The following GRAMD1B variants were observed in gnomAD, a reference collection of about 807,000 sequenced individuals.
GRAMD1B encodes protein Aster-B.
Under a neutral mutation model 99.7 loss-of-function variants are expected in GRAMD1B, and 37 were observed. The observed-to-expected ratio is 0.37, with a 90% confidence interval of 0.29 to 0.49. GRAMD1B has a LOEUF of 0.49. Among genes scored for constraint, GRAMD1B ranks in the 20% least tolerant of loss-of-function variants. GRAMD1B has a pLI of 0.98. For missense variants in GRAMD1B, 888 were observed against 1,009.2 expected, an observed-to-expected ratio of 0.88 and a Z score of 1.63; for synonymous variants, 427 against 387.6, an observed-to-expected ratio of 1.10 and a Z score of -1.19.
At chr11:123,575,991 CT>C (rs1024620453) in intron 2 of GRAMD1B, among the ~76,000 whole-genome samples, 2 of 151,420 alleles carry the variant, frequency 1.3e-5, no homozygotes, top group South Asian at 2.1e-4. Flanking sequence ...CTCTGGTCTC[CT>C]TTTTTTTTCT....
At chr11:123,450,769 T>C (rs573133305) in intron 1 of GRAMD1B, among the ~76,000 whole-genome samples, 2 of 152,198 alleles carry the variant, frequency 1.3e-5, no homozygotes, top group African/African-American at 4.8e-5. Flanking sequence ...TTTGGTGCTC[T>C]GACATCATCT....
chr11:123,523,212 A>G (rs1177823259), intron 2 of GRAMD1B, among the ~76,000 whole-genome samples: 1 of 152,150 alleles, frequency 6.6e-6, no homozygotes. Flanking sequence ...CGTGCCTGTA[A>G]TCCCAGCTAC....
intron 1 of GRAMD1B, among the ~76,000 whole-genome samples, chr11:123,453,859 G>A (rs186049318): frequency 2.6e-4 from 40 of 152,326 alleles, no homozygotes; most frequent in Non-Finnish European, 5.0e-4. Context: ...TGGAGCATCT[G>A]AAGTCCCAGG....
intron 2 of GRAMD1B, among the ~76,000 whole-genome samples, chr11:123,490,299 A>G (rs1474245048): frequency 6.6e-6 from 1 of 152,186 alleles, no homozygotes; most frequent in Non-Finnish European, 1.5e-5. Context: ...TGTGAGACAG[A>G]TGAGATGATA....
In GRAMD1B at chr11:123,620,515, C is replaced by T. The variant is rs1699377502; in HGVS notation, c.2544+1291C>T. On this transcript the variant is annotated intron_variant, in intron 19 of 19. Transcript: ENST00000635736. ...AAAAAAAGGGAAAAGAATCTTAATG[C>T]AGCTATCAAGACCCAGTTGGATGTG... 2.1e-5 allele frequency among the ~76,000 whole-genome samples: 3 copies of T among 145,372 alleles called. No homozygotes were observed. In the South Asian group the frequency reaches 6.6e-4, roughly 32 times the overall value.
intron 1 of GRAMD1B, chr11:123,458,729 A>T (rs74834522): frequency 6.7e-6 from 1 of 150,344 alleles, no homozygotes; most frequent in African/African-American, 2.5e-5. Context: ...ATACTCCCCA[A>T]TGTGAGTAAT....
intron 2 of GRAMD1B, among the ~76,000 whole-genome samples, chr11:123,569,046 A>G (rs1380600798): frequency 1.3e-5 from 2 of 152,198 alleles, no homozygotes; most frequent in African/African-American, 4.8e-5. Flanking sequence ...ACTGTTGGGC[A>G]TCTGAGTCTG....
intron 3 of GRAMD1B, among the ~76,000 whole-genome samples, chr11:123,581,277 C>T (rs567868376): frequency 1.3e-5 from 2 of 152,208 alleles, no homozygotes; most frequent in Non-Finnish European, 2.9e-5. Flanking sequence ...TATAAGCTGT[C>T]AGAGAAGGCT....
At chr11:123,481,795 A>T (rs900375077) in intron 2 of GRAMD1B, among the ~76,000 whole-genome samples, 2 of 152,214 alleles carry the variant, frequency 1.3e-5, no homozygotes, top group Non-Finnish European at 2.9e-5. Flanking sequence ...AGCAAGTTAA[A>T]CTTCTTTGCC....
At chr11:123,488,963 C>T (rs1231626156) in intron 2 of GRAMD1B, among the ~76,000 whole-genome samples, 1 of 152,062 alleles carries the variant, frequency 6.6e-6, no homozygotes, top group Admixed American at 6.6e-5. Flanking sequence ...CTGCGTACCC[C>T]CTTAAGGTTG....
intron 1 of GRAMD1B, among the ~76,000 whole-genome samples, chr11:123,433,335 G>A (rs563152397): frequency 2.6e-5 from 4 of 152,184 alleles, no homozygotes; most frequent in African/African-American, 9.6e-5. Flanking sequence ...CCAAGATCGC[G>A]CCATTGCACT....
intron 1 of GRAMD1B, among the ~76,000 whole-genome samples, chr11:123,461,338 C>T (rs2134492632): frequency 6.6e-6 from 1 of 152,324 alleles, no homozygotes; most frequent in South Asian, 2.1e-4. Context: ...AAGAGTCCCC[C>T]AGGGCACCAG....
chr11:123,570,280 G>A (rs191083637), intron 2 of GRAMD1B, among the ~76,000 whole-genome samples: 5 of 152,284 alleles, frequency 3.3e-5, no homozygotes, highest in East Asian at 3.9e-4. Flanking sequence ...GATTCTGCAC[G>A]TTAAGGAAGC....
intron 1 of GRAMD1B, among the ~76,000 whole-genome samples, chr11:123,467,949 T>C (rs1950785579): frequency 6.6e-6 from 1 of 151,708 alleles, no homozygotes; most frequent in Non-Finnish European, 1.5e-5. Context: ...CTGCAACCTC[T>C]GCCTCCCGGG....
At chr11:123,544,312 G>A (rs905755721) in intron 2 of GRAMD1B, among the ~76,000 whole-genome samples, 1 of 152,294 alleles carries the variant, frequency 6.6e-6, no homozygotes, top group East Asian at 1.9e-4. Context: ...CCAAGGTCAA[G>A]TACCAGGATT....
At chr11:123,556,726 C>T (rs1444824883) in intron 2 of GRAMD1B, among the ~76,000 whole-genome samples, 4 of 152,184 alleles carry the variant, frequency 2.6e-5, no homozygotes, top group Non-Finnish European at 5.9e-5. Context: ...ATTTAGGCAC[C>T]AAATAGCTGT....
At chr11:123,514,518 G>A (rs776966845) in intron 2 of GRAMD1B, among the ~76,000 whole-genome samples, 3 of 152,230 alleles carry the variant, frequency 2.0e-5, no homozygotes, top group Non-Finnish European at 2.9e-5. Context: ...CTGAATGGTG[G>A]CTGTGGGTGC....
intron 8 of GRAMD1B, among the ~76,000 whole-genome samples, chr11:123,600,961 G>A (rs193283288): frequency 6.8e-4 from 103 of 152,276 alleles, no homozygotes; most frequent in Non-Finnish European, 1.3e-3. Flanking sequence ...TTGCAGGAAG[G>A]AGTAGGGGAG....
At chr11:123,568,451 C>T (rs927152628) in intron 2 of GRAMD1B, among the ~76,000 whole-genome samples, 1 of 152,222 alleles carries the variant, frequency 6.6e-6, no homozygotes, top group African/African-American at 2.4e-5. Context: ...GTACACTTCA[C>T]CCAAGATCCC....
Sources: gnomAD v4.1 joint callset for allele counts (sites outside exome capture counted in the v4.1 genomes callset) on GRCh38, gnomAD v4.1.1 for gene constraint, MANE v1.5 for transcripts, NCBI Gene and HGNC (gene_info 2026-07-23, HGNC 2026-07-21) for gene names.